Variants in PARP9 observed in about 807,000 individuals in gnomAD.
PARP9 encodes protein mono-ADP-ribosyltransferase PARP9.
PARP9 carries 48 observed loss-of-function variants against 68.8 expected under a neutral mutation model. That is an observed-to-expected ratio of 0.70 (90% CI 0.55 to 0.89). PARP9 has a LOEUF of 0.89. Among genes scored for constraint, PARP9 ranks in the 40% least tolerant of loss-of-function variants. The pLI, the probability that PARP9 is intolerant of heterozygous loss-of-function variation, is 0.00. For missense variants in PARP9, 806 were observed against 969.3 expected, an observed-to-expected ratio of 0.83 and a Z score of 2.24; for synonymous variants, 309 against 333.8, an observed-to-expected ratio of 0.93 and a Z score of 0.81.
chr3:122,560,022 TAGA>T (rs1275351144), intron 1 of PARP9, among the ~76,000 whole-genome samples: 1 of 152,106 alleles, frequency 6.6e-6, no homozygotes, highest in Non-Finnish European at 1.5e-5. Flanking sequence ...TTTACATATT[TAGA>T]AGAAGAGGGT....
chr3:122,560,189 T>C (rs2080071529), intron 1 of PARP9, among the ~76,000 whole-genome samples: 1 of 152,150 alleles, frequency 6.6e-6, no homozygotes, highest in Non-Finnish European at 1.5e-5. Context: ...GTGATAAACA[T>C]CCTTGACCTA....
chr3:122,552,370 CT>C, intron 5 of PARP9, 47 bp downstream of exon 5: 1 of 1,310,138 alleles, frequency 7.6e-7, no homozygotes, highest in Non-Finnish European at 1.1e-6. Context: ...AAAAAAAAGA[CT>C]GTATAGACTA....
At chr3:122,531,002 A>T (rs529269894) in intron 10 of PARP9, among the ~76,000 whole-genome samples, 1 of 152,328 alleles carries the variant, frequency 6.6e-6, no homozygotes, top group South Asian at 2.1e-4. Flanking sequence ...TGAAATTAAC[A>T]TTTTTATTTA....
Position 122,552,578 on chromosome 3 carries a change from G to T in PARP9, c.947C>A (p.Ser316Ter). ...HDITVGPVAKSILQQAGVEMK... is the reference protein window; with the variant it reads ...HDITVGPVAK The stretch of plus-strand genomic sequence containing the variant: ...TTCAACTCCTGCTTGTTGTAGAATT[G>T]ACTTTGCCACAGGTCCAACTGTAAT... The change falls in exon 5 of 11, where the codon TCA becomes TAA. Residue 316 changes from serine to a stop codon, truncating the protein, a stop_gained. Transcript: ENST00000682323. LOFTEE classifies it high-confidence loss of function. 6.2e-7 allele frequency: 1 copy of T among 1,614,048 alleles called. No individual in the cohort carries two copies. Among genetic ancestry groups the T allele is most frequent in the South Asian group, 1.1e-5 (1 of 91,068 alleles).
intron 8 of PARP9, 147 bp downstream of exon 8, chr3:122,540,325 A>G (rs2078100364): frequency 9.6e-7 from 1 of 1,044,476 alleles, no homozygotes; most frequent in South Asian, 1.8e-5. Flanking sequence ...AATAGCTCAC[A>G]AAGGCTTATG....
upstream of PARP9, chr3:122,564,574 G>A: frequency 6.2e-7 from 1 of 1,604,254 alleles, no homozygotes; most frequent in Non-Finnish European, 8.5e-7. Flanking sequence ...GGAACACGAA[G>A]CCCCGGGCAC....
intron 6 of PARP9, 199 bp from the exon 7 acceptor site, chr3:122,545,688 T>C: frequency 1.8e-6 from 1 of 554,222 alleles, no homozygotes; most frequent in East Asian, 2.9e-5. Flanking sequence ...AGAATAAGCA[T>C]AGGAAAAATG....
chr3:122,551,869 G>A (rs1303944633), intron 5 of PARP9, among the ~76,000 whole-genome samples: 1 of 152,206 alleles, frequency 6.6e-6, no homozygotes, highest in Non-Finnish European at 1.5e-5. Flanking sequence ...TCTATCTGCA[G>A]TATGCCTACT....
At chr3:122,536,520 T>C in intron 9 of PARP9, 178 bp from the exon 10 acceptor site, 1 of 1,204,718 alleles carries the variant, frequency 8.3e-7, no homozygotes, top group Non-Finnish European at 1.1e-6. Flanking sequence ...CCTATTTTGA[T>C]TCGTTCTTCA....
intron 6 of PARP9, 199 bp from the exon 7 acceptor site, chr3:122,545,688 T>A (rs2078649534): frequency 5.4e-6 from 3 of 554,216 alleles, no homozygotes; most frequent in Non-Finnish European, 9.6e-6. Flanking sequence ...AGAATAAGCA[T>A]AGGAAAAATG....
chr3:122,533,046 G>A (rs2077414253), intron 10 of PARP9: 1 of 152,194 alleles, frequency 6.6e-6, no homozygotes, highest in African/African-American at 2.4e-5. Flanking sequence ...GTAAAGGATA[G>A]ATTAGGTAGG....
intron 6 of PARP9, among the ~76,000 whole-genome samples, chr3:122,548,598 C>G (rs1245928932): frequency 6.6e-6 from 1 of 152,170 alleles, no homozygotes; most frequent in Non-Finnish European, 1.5e-5. Context: ...AAAGGCAGAA[C>G]AGCACTGCAA....
At position 122,552,559 on chromosome 3, in the gene PARP9, T is replaced by C; in HGVS notation, c.966A>G (p.Gly322=). The C allele has an allele frequency of 6.2e-7, 1 of 1,614,128 alleles. No homozygotes were observed. Residue 322 remains glycine (G), a synonymous_variant, in exon 5 of 11, where the codon GGA becomes GGG. Transcript: ENST00000682323. ...PVAKSILQQA[G]VEMKSEFLAT... Reference sequence around the variant, plus strand: ...CAAGAAATTCCGATTTCATTTCAACTCCTGCTTGTTGTAGAATTGACTTTG... The same window carrying C: ...CAAGAAATTCCGATTTCATTTCAACCCCTGCTTGTTGTAGAATTGACTTTG...
chr3:122,553,765 A>G (rs1024232720), intron 4 of PARP9, among the ~76,000 whole-genome samples: 1 of 152,276 alleles, frequency 6.6e-6, no homozygotes, highest in Non-Finnish European at 1.5e-5. Flanking sequence ...AAGAAAAAAA[A>G]AGAATAAAGC....
chr3:122,556,681 T>A (rs1441627817), intron 3 of PARP9, among the ~76,000 whole-genome samples: 1 of 152,070 alleles, frequency 6.6e-6, no homozygotes, highest in Non-Finnish European at 1.5e-5. Flanking sequence ...GAGGGCAGGC[T>A]GGGAAAGTAA....
chr3:122,536,983 A>G lies in PARP9; in HGVS notation c.1856T>C (p.Leu619Pro), dbSNP rs747540863. 1.6e-5 allele frequency: 26 copies of G among 1,613,952 alleles called. No homozygotes were observed. The highest frequency in any genetic ancestry group is 2.1e-5 in the Non-Finnish European group (25 of 1,179,940). ...LKCPVPPTQE[L>P]LDQKKQFEKC... ...TTCAAACTGTTTCTTTTGATCTAGAAGCTCTTGAGTTGGAGGCACAGGACA... is the reference window on the plus strand; with the variant it reads ...TTCAAACTGTTTCTTTTGATCTAGAGGCTCTTGAGTTGGAGGCACAGGACA... Residue 619 changes from leucine (L) to proline (P), a missense_variant, in exon 9 of 11, where the codon CTT becomes CCT. Transcript: ENST00000682323.
intron 3 of PARP9, 71 bp downstream of exon 3, chr3:122,558,363 C>T (rs778177666): frequency 1.2e-6 from 2 of 1,614,026 alleles, no homozygotes; most frequent in African/African-American, 2.7e-5. Flanking sequence ...CTTCTGTATT[C>T]CCCTTTCTCC....
upstream of PARP9, chr3:122,564,627 G>T: frequency 6.3e-7 from 1 of 1,578,978 alleles, no homozygotes; most frequent in Non-Finnish European, 8.6e-7. Context: ...AGCTTCGGGC[G>T]GCCAGGCTGC....
chr3:122,546,013 T>C (rs2078672528), intron 6 of PARP9: 1 of 152,860 alleles, frequency 6.5e-6, no homozygotes, highest in African/African-American at 2.4e-5. Context: ...ATTGTTATTA[T>C]ATGAAAGTCT....
Sources: allele counts gnomAD v4.1 joint callset (sites outside exome capture counted in the v4.1 genomes callset), GRCh38; gene constraint gnomAD v4.1.1; transcripts MANE v1.5; gene names NCBI Gene and HGNC (gene_info 2026-07-23, HGNC 2026-07-21).